Variants in TBC1D22A observed in about 807,000 individuals in gnomAD.
TBC1D22A encodes the protein putative GTPase activator.
A neutral mutation model predicts 60.2 loss-of-function variants in TBC1D22A; 38 were observed. The observed-to-expected ratio is 0.63, with a 90% CI of 0.49 to 0.83. TBC1D22A has a LOEUF of 0.83. Among genes scored for constraint, TBC1D22A ranks in the 40% least tolerant of loss-of-function variants. The probability of loss-of-function intolerance (pLI) is 0.00; values close to 1 mark genes in which losing one functional copy is unlikely to be tolerated. For missense variants in TBC1D22A, 628 were observed against 701.0 expected, an observed-to-expected ratio of 0.90 and a Z score of 1.18; for synonymous variants, 302 against 281.7, an observed-to-expected ratio of 1.07 and a Z score of -0.72.
intron 5 of TBC1D22A, among the ~76,000 whole-genome samples, chr22:46,888,642 C>T (rs1360913566): frequency 6.6e-6 from 1 of 152,178 alleles, no homozygotes. Context: ...ACTGGAGACA[C>T]TTGAGGGATG....
intron 8 of TBC1D22A, among the ~76,000 whole-genome samples, chr22:46,948,582 C>T (rs546870577): frequency 7.2e-5 from 11 of 152,346 alleles, no homozygotes; most frequent in African/African-American, 2.6e-4. Flanking sequence ...TGGAGTTGGT[C>T]TCTCTGTGTT....
intron 1 of TBC1D22A, among the ~76,000 whole-genome samples, chr22:46,782,601 C>G (rs1233005321): frequency 1.3e-5 from 2 of 152,202 alleles, no homozygotes; most frequent in African/African-American, 4.8e-5. Flanking sequence ...AATTTCATCA[C>G]CACAGAGAGC....
At chr22:47,155,974 G>A (rs1005261887) in intron 12 of TBC1D22A, among the ~76,000 whole-genome samples, 1 of 152,192 alleles carries the variant, frequency 6.6e-6, no homozygotes, top group Admixed American at 6.5e-5. Flanking sequence ...GCCCTCCTAC[G>A]TCTGTGGTGT....
At chr22:46,921,370 T>C (rs2070748209) in intron 8 of TBC1D22A, among the ~76,000 whole-genome samples, 1 of 152,206 alleles carries the variant, frequency 6.6e-6, no homozygotes, top group Admixed American at 6.5e-5. Flanking sequence ...TTGGTTCTTT[T>C]AGGATAATGA....
chr22:47,040,493 C>T lies in TBC1D22A; in HGVS notation c.1329+3295C>T, dbSNP rs117192861. Among the ~76,000 whole-genome samples, 72 of 150,842 alleles carry T rather than the reference C, an allele frequency of 4.8e-4. 1 individual carries two copies. The East Asian group carries it at 0.012, about 25-fold the overall frequency. On this transcript the variant is annotated intron_variant, in intron 11 of 12. Transcript: ENST00000337137. ...GTGAATTCAGCCAGGATGAGGGGGTCGTCGAGCAAGTGGGGTCAGAGGGCA... is the reference window on the plus strand; with the variant it reads ...GTGAATTCAGCCAGGATGAGGGGGTTGTCGAGCAAGTGGGGTCAGAGGGCA...
chr22:46,974,713 A>G (rs1183335503), intron 9 of TBC1D22A, among the ~76,000 whole-genome samples: 2 of 152,106 alleles, frequency 1.3e-5, no homozygotes, highest in Non-Finnish European at 2.9e-5. Context: ...CACGGTAGCT[A>G]TGTGTGTGTG....
At chr22:47,004,701 C>A (rs1346173025) in intron 10 of TBC1D22A, among the ~76,000 whole-genome samples, 3 of 146,574 alleles carry the variant, frequency 2.0e-5, no homozygotes, top group African/African-American at 8.0e-5. Context: ...TACACACATA[C>A]CCCTCATACA....
rs5767419 is a variant in TBC1D22A, at chr22:46,931,754, C to A, written c.1015+19566C>A. 5.0e-3 allele frequency among the ~76,000 whole-genome samples: 756 copies of A among 152,306 alleles called. 4 individuals are homozygous for A. The highest frequency in any genetic ancestry group is 0.017 in the African/African-American group (720 of 41,554). ...CTCTTTCCTGGGTCTGATTCTTAAT[C>A]CCTTTAAAGCCATACTGAGGAGCAT... On this transcript the variant is annotated intron_variant, in intron 8 of 12. Coordinates refer to ENST00000337137, the MANE Select transcript of TBC1D22A (RefSeq NM_014346.5).
intron 4 of TBC1D22A, among the ~76,000 whole-genome samples, chr22:46,864,083 A>G (rs755681481): frequency 6.6e-6 from 1 of 152,178 alleles, no homozygotes; most frequent in Admixed American, 6.5e-5. Flanking sequence ...GACATTCCTG[A>G]TGCCTCCACG....
intron 4 of TBC1D22A, among the ~76,000 whole-genome samples, chr22:46,802,120 C>T (rs2084924588): frequency 6.6e-6 from 1 of 152,226 alleles, no homozygotes. Context: ...GAGACCTGCC[C>T]TGCAGGGTCC....
At chr22:46,789,287 G>A (rs550001680) in intron 1 of TBC1D22A, 3 of 361,424 alleles carry the variant, frequency 8.3e-6, no homozygotes, top group African/African-American at 2.2e-5. Context: ...CACCAAGCCC[G>A]GCTAATTTTT....
chr22:47,143,227 A>T (rs1186043697), intron 12 of TBC1D22A, among the ~76,000 whole-genome samples: 1 of 152,096 alleles, frequency 6.6e-6, no homozygotes, highest in Admixed American at 6.5e-5. Context: ...TGCCCTTAAG[A>T]GTTTGAGCCA....
intron 11 of TBC1D22A, among the ~76,000 whole-genome samples, chr22:47,074,063 G>A (rs1052783753): frequency 2.2e-4 from 33 of 152,158 alleles, no homozygotes; most frequent in African/African-American, 6.5e-4. Flanking sequence ...AGCTATGATC[G>A]CACCACTGTA....
chr22:46,866,095 T>C (rs1333232268), intron 4 of TBC1D22A, among the ~76,000 whole-genome samples: 2 of 152,218 alleles, frequency 1.3e-5, no homozygotes, highest in Non-Finnish European at 2.9e-5. Flanking sequence ...TAAAGATCTT[T>C]TAAAAATTTT....
intron 10 of TBC1D22A, among the ~76,000 whole-genome samples, chr22:47,003,490 A>G (rs1425395049): frequency 2.0e-5 from 3 of 148,500 alleles, no homozygotes; most frequent in Non-Finnish European, 4.5e-5. Flanking sequence ...CTACGCACAC[A>G]TGCCTGTACA....
intron 11 of TBC1D22A, among the ~76,000 whole-genome samples, chr22:47,093,656 C>T (rs779667293): frequency 1.3e-5 from 2 of 152,100 alleles, no homozygotes; most frequent in East Asian, 1.9e-4. Context: ...CCCTGGGAAA[C>T]GCCTTTCAAA....
At chr22:47,004,204 TACACACACCCCTACAC>T (rs2061501704) in intron 10 of TBC1D22A, among the ~76,000 whole-genome samples, 1 of 139,518 alleles carries the variant, frequency 7.2e-6, no homozygotes, top group Non-Finnish European at 1.6e-5. Flanking sequence ...TCCTCATACA[TACACACACCCCTACAC>T]ACACCCCTAT....
At chr22:47,151,399 C>T (rs2067496446) in intron 12 of TBC1D22A, among the ~76,000 whole-genome samples, 1 of 152,230 alleles carries the variant, frequency 6.6e-6, no homozygotes, top group Non-Finnish European at 1.5e-5. Context: ...TGTGAGAACG[C>T]AGACTTGAAC....
chr22:46,974,224 C>T (rs1266486405), intron 8 of TBC1D22A, 66 bp from the exon 9 acceptor site: 10 of 1,352,620 alleles, frequency 7.4e-6, no homozygotes, highest in East Asian at 2.5e-5. Flanking sequence ...CTCCGTGGGC[C>T]CCCTCGTGGG....
Sources: allele counts gnomAD v4.1 joint callset (sites outside exome capture counted in the v4.1 genomes callset), GRCh38; gene constraint gnomAD v4.1.1; transcripts MANE v1.5; gene names NCBI Gene and HGNC (gene_info 2026-07-23, HGNC 2026-07-21).